C6orf89: variants seen among roughly 807,000 people sequenced by gnomAD.
The protein encoded by C6orf89 is chromosome 6 open reading frame 89.
C6orf89 carries 29 observed loss-of-function variants against 40.7 expected under a neutral mutation model. The ratio of observed to expected loss-of-function variants is 0.71; its 90% CI spans 0.53 to 0.97. The LOEUF (loss-of-function observed/expected upper bound fraction) is 0.97, where lower values mean the gene tolerates loss of function less well. Ranked by LOEUF, C6orf89 falls within the 50% of genes least tolerant of loss-of-function variation. C6orf89 has a pLI of 0.00. For missense variants in C6orf89, 392 were observed against 429.1 expected, an observed-to-expected ratio of 0.91 and a Z score of 0.76; for synonymous variants, 165 against 152.2, an observed-to-expected ratio of 1.08 and a Z score of -0.62.
chr6:36,909,254 C>CT (rs1031949797), intron 4 of C6orf89, among the ~76,000 whole-genome samples: 43 of 147,484 alleles, frequency 2.9e-4, no homozygotes, highest in African/African-American at 1.1e-3. Flanking sequence ...TATAGATATA[C>CT]TTTTTTTCTG....
Position 36,919,653 on chromosome 6 carries a change from C to T in C6orf89, c.901C>T (p.Arg301Ter), listed in dbSNP as rs763594458. The change falls in exon 8 of 9, where the codon CGA becomes TGA. Residue 301 changes from arginine to a stop codon, truncating the protein, a stop_gained. Transcript: ENST00000480824. LOFTEE classifies it high-confidence loss of function. ...MLQLIPPFQC[R>*]RHCQSVAMPI... is the part of the protein sequence containing the mutation. ...GCAGCTCATCCCTCCCTTCCAGTGC[C>T]GAAGACATTGTCAGTCTGTGGCCAT... 4.3e-6 allele frequency: 7 copies of T among 1,613,964 alleles called. No individual in the cohort carries two copies. Among genetic ancestry groups the T allele is most frequent in the Admixed American group, 3.3e-5 (2 of 59,998 alleles).
Position 36,925,446 on chromosome 6 carries a change from C to T in C6orf89, c.*2005C>T, listed in dbSNP as rs1011626426. ...ACATCTTAAATGTCCATAAGAAACC[C>T]TTGCATGTGTTGGTATTCTGAGGCA... On this transcript the variant is annotated 3_prime_UTR_variant, in exon 9 of 9. Coordinates refer to ENST00000480824, the MANE Select transcript of C6orf89 (RefSeq NM_001286635.2). The T allele has an allele frequency of 3.3e-5, 5 of 152,094 alleles. No homozygotes were observed. Among genetic ancestry groups the T allele is most frequent in the Admixed American group, 3.3e-4 (5 of 15,262 alleles). The allele number at this position is 152,094 out of a possible 1,614,324, so 9.4% of individuals were successfully genotyped here.
chr6:36,872,782 T>C (rs369572581), intron 1 of C6orf89, among the ~76,000 whole-genome samples: 3 of 152,172 alleles, frequency 2.0e-5, no homozygotes, highest in Admixed American at 6.5e-5. Flanking sequence ...TAATTTGTTG[T>C]ATTTTTTTGT....
chr6:36,919,851 T>C, intron 8 of C6orf89, 150 bp downstream of exon 8: 1 of 832,514 alleles, frequency 1.2e-6, no homozygotes, highest in Non-Finnish European at 1.7e-6. Flanking sequence ...ATATTTATGC[T>C]TAGAAATGAA....
chr6:36,913,503 C>T (rs1762197796), intron 4 of C6orf89, among the ~76,000 whole-genome samples: 1 of 152,204 alleles, frequency 6.6e-6, no homozygotes, highest in Admixed American at 6.5e-5. Flanking sequence ...GGTCTATGCA[C>T]ACATCCAGCA....
intron 1 of C6orf89, among the ~76,000 whole-genome samples, chr6:36,874,389 A>ACCT (rs923964368): frequency 6.6e-6 from 1 of 152,048 alleles, no homozygotes; most frequent in African/African-American, 2.4e-5. Flanking sequence ...TGTTTTATCT[A>ACCT]CCTCTGTATC....
chr6:36,914,777 C>G, intron 6 of C6orf89, 84 bp downstream of exon 6: 2 of 1,528,552 alleles, frequency 1.3e-6, no homozygotes, highest in Non-Finnish European at 1.8e-6. Flanking sequence ...ATCACTTGAG[C>G]CTAGGAGTTG....
At chr6:36,917,771 A>G (rs1447940281) in intron 7 of C6orf89, among the ~76,000 whole-genome samples, 1 of 152,078 alleles carries the variant, frequency 6.6e-6, no homozygotes, top group Non-Finnish European at 1.5e-5. Context: ...AGGCCCTTGT[A>G]TGATTTCATC....
rs570876547 is a variant in C6orf89 at position 36,924,712 on chromosome 6, T to C, written c.*1271T>C. 1.3e-5 allele frequency: 2 copies of C among 152,336 alleles called. No homozygotes were observed. Among genetic ancestry groups the C allele is most frequent in the African/African-American group, 4.8e-5 (2 of 41,584 alleles). 9.4% of individuals were successfully genotyped at this position (152,336 alleles called of 1,614,324 possible). A position where few individuals can be genotyped will look rare whatever the true frequency, so the allele number is the denominator to read the frequency against. On this transcript the variant is annotated 3_prime_UTR_variant, in exon 9 of 9. Coordinates refer to ENST00000480824, the MANE Select transcript of C6orf89 (RefSeq NM_001286635.2). Reference sequence around the variant, plus strand: ...CCACTAGATAGCTGGCCACTGGTCATGCCATTGCCAAGATGAAGAAAAAGC... The same window carrying C: ...CCACTAGATAGCTGGCCACTGGTCACGCCATTGCCAAGATGAAGAAAAAGC...
At chr6:36,910,622 G>A (rs1370354596) in intron 4 of C6orf89, among the ~76,000 whole-genome samples, 1 of 152,028 alleles carries the variant, frequency 6.6e-6, no homozygotes, top group Admixed American at 6.6e-5. Context: ...CAGCTACTTG[G>A]GAGGCTGAGG....
chr6:36,916,044 G>C (rs1583196962), intron 6 of C6orf89, among the ~76,000 whole-genome samples: 1 of 152,154 alleles, frequency 6.6e-6, no homozygotes, highest in Admixed American at 6.5e-5. Flanking sequence ...GCTTCCCCCT[G>C]CGTCTCCCTG....
intron 1 of C6orf89, among the ~76,000 whole-genome samples, chr6:36,887,750 A>T (rs924733648): frequency 7.9e-5 from 12 of 152,192 alleles, no homozygotes; most frequent in Non-Finnish European, 1.0e-4. Context: ...CAGGAATCTC[A>T]TTCCATCACC....
chr6:36,878,109 T>C (rs1774708030), intron 1 of C6orf89, among the ~76,000 whole-genome samples: 1 of 152,226 alleles, frequency 6.6e-6, no homozygotes, highest in Non-Finnish European at 1.5e-5. Context: ...TGGTATGAGG[T>C]AGGAGCCAAG....
At chr6:36,877,529 C>T (rs1774691896) in intron 1 of C6orf89, among the ~76,000 whole-genome samples, 1 of 152,166 alleles carries the variant, frequency 6.6e-6, no homozygotes, top group Non-Finnish European at 1.5e-5. Context: ...CAGGGTTTCA[C>T]CATGTTGGCC....
chr6:36,916,210 C>T (rs2293392), intron 6 of C6orf89, among the ~76,000 whole-genome samples: 31,126 of 152,096 alleles, frequency 0.2, 3,284 homozygotes, highest in East Asian at 0.3. Context: ...AATTTAGAAA[C>T]ACTCCACCCA....
exon 1 of C6orf89, chr6:36,871,930 A>G: frequency 2.8e-6 from 4 of 1,430,364 alleles, no homozygotes; most frequent in East Asian, 2.6e-5. Flanking sequence ...AGACAGGAGT[A>G]TTATGGAACT....
chr6:36,882,730 T>TC (rs1374383218), upstream of C6orf89, among the ~76,000 whole-genome samples: 1,851 of 68,516 alleles, frequency 0.027, 96 homozygotes, highest in East Asian at 0.33. Flanking sequence ...TTTTTTTCTT[T>TC]TTTCTTTTTT....
chr6:36,908,155 C>T (rs1370645168), intron 4 of C6orf89, among the ~76,000 whole-genome samples: 2 of 152,206 alleles, frequency 1.3e-5, no homozygotes, highest in African/African-American at 4.8e-5. Flanking sequence ...ACAGAGAAAT[C>T]AAAAGTAGTT....
At chr6:36,891,922 A>G (rs528481196) in intron 1 of C6orf89, among the ~76,000 whole-genome samples, 2 of 152,236 alleles carry the variant, frequency 1.3e-5, no homozygotes, top group Non-Finnish European at 2.9e-5. Flanking sequence ...GGGTAATGGC[A>G]TATCAGTGTT....
Sources: gnomAD v4.1 joint callset for allele counts (sites outside exome capture counted in the v4.1 genomes callset) on GRCh38, gnomAD v4.1.1 for gene constraint, MANE v1.5 for transcripts, NCBI Gene and HGNC (gene_info 2026-07-23, HGNC 2026-07-21) for gene names.